Variants in MGAM2 observed in about 807,000 individuals in gnomAD.
MGAM2 encodes the protein maltase-glucoamylase 2 (putative), also known as probable maltase-glucoamylase 2.
MGAM2 carries 98 observed loss-of-function variants against 96.1 expected under a neutral mutation model. The observed-to-expected ratio is 1.02, with a 90% confidence interval of 0.87 to 1.21. The LOEUF (loss-of-function observed/expected upper bound fraction) is 1.21. Among genes scored for constraint, MGAM2 ranks in the 50% most tolerant of loss-of-function variants. The pLI is 0.00. For synonymous variants in MGAM2, 749 were observed against 414.8 expected, an observed-to-expected ratio of 1.81 and a Z score of -9.79; for missense variants, 2,055 against 1,182.4, an observed-to-expected ratio of 1.74 and a Z score of -10.82.
chr7:142,116,504 A>G lies in MGAM2; in HGVS notation c.1-370A>G, dbSNP rs1183164542. On this transcript the variant is annotated intron_variant, in intron 1 of 47. Coordinates refer to ENST00000477922, the MANE Select transcript of MGAM2 (RefSeq NM_001293626.2). Reference sequence around the variant, plus strand: ...AGCATACCTTCCTGTCTACTACATTAGGTGGATGTGAAGATCAAAGTGAAA... The same window carrying G: ...AGCATACCTTCCTGTCTACTACATTGGGTGGATGTGAAGATCAAAGTGAAA... 2.6e-5 allele frequency among the ~76,000 whole-genome samples: 4 copies of G among 152,210 alleles called. 1 individual carries two copies. The highest frequency in any genetic ancestry group is 2.6e-4 in the Admixed American group (4 of 15,276).
At chr7:142,169,949 G>A (rs1442296641) in intron 26 of MGAM2, 126 bp from the exon 27 acceptor site, 2 of 544,410 alleles carry the variant, frequency 3.7e-6, no homozygotes, top group Non-Finnish European at 6.5e-6. Context: ...ATTCGCTTGG[G>A]GATGTTTGAT....
At chr7:142,204,181 G>A (rs1797327767) in intron 45 of MGAM2, among the ~76,000 whole-genome samples, 1 of 151,234 alleles carries the variant, frequency 6.6e-6, no homozygotes, top group Admixed American at 6.6e-5. Context: ...ATAATTTTTG[G>A]CGTATAGTTC....
At chr7:142,159,868 A>T (rs1201203927) in intron 20 of MGAM2, among the ~76,000 whole-genome samples, 1 of 152,162 alleles carries the variant, frequency 6.6e-6, no homozygotes, top group African/African-American at 2.4e-5. Context: ...AGCTATCAAG[A>T]CTGGGCTTTG....
Position 142,218,459 on chromosome 7 carries a change from G to A in MGAM2, c.5286G>A (p.Val1762=), listed in dbSNP as rs1433691838. ...YIRIWGVNTY[V]TQVSFTYDNR... ...GAATCTGGGGTGTGAATACCTATGTGACACAAGTCAGTTTCACCTATGACA... is the reference window on the plus strand; with the variant it reads ...GAATCTGGGGTGTGAATACCTATGTAACACAAGTCAGTTTCACCTATGACA... Residue 1762 remains valine, a synonymous_variant, in exon 47 of 48, where the codon GTG becomes GTA. Transcript: ENST00000477922. 1.4e-6 allele frequency: 1 copy of A among 702,166 alleles called. No individual in the cohort carries two copies. Among genetic ancestry groups the A allele is most frequent in the Non-Finnish European group, 2.6e-6 (1 of 384,768 alleles). 43.5% of individuals were successfully genotyped at this position (702,166 alleles called of 1,614,324 possible).
intron 25 of MGAM2, 33 bp from the exon 26 acceptor site, chr7:142,167,235 G>C: frequency 3.1e-6 from 2 of 654,752 alleles, no homozygotes; most frequent in South Asian, 3.4e-5. Flanking sequence ...TGTTGTATCA[G>C]AGGCTGAGCA....
intron 31 of MGAM2, among the ~76,000 whole-genome samples, chr7:142,173,843 T>C (rs1046839170): frequency 6.6e-6 from 1 of 152,172 alleles, no homozygotes; most frequent in Non-Finnish European, 1.5e-5. Flanking sequence ...TATAGAATAA[T>C]GTAGTTCTTG....
chr7:142,133,933 G>T, intron 6 of MGAM2, 48 bp from the exon 7 acceptor site: 1 of 657,286 alleles, frequency 1.5e-6, no homozygotes, highest in Non-Finnish European at 2.8e-6. Context: ...CCTGGCAGAG[G>T]AAAGAGTGTT....
chr7:142,149,659 G>A (rs562952875), intron 15 of MGAM2, among the ~76,000 whole-genome samples: 29 of 151,908 alleles, frequency 1.9e-4, no homozygotes, highest in Non-Finnish European at 1.5e-5. Flanking sequence ...TCCTGCCTCA[G>A]CCTCCCAAGT....
At chr7:142,133,519 G>C (rs1394055392) in intron 6 of MGAM2, among the ~76,000 whole-genome samples, 1 of 151,884 alleles carries the variant, frequency 6.6e-6, no homozygotes, top group Non-Finnish European at 1.5e-5. Context: ...GGAGTAAACA[G>C]AAGTATTAGT....
intron 14 of MGAM2, among the ~76,000 whole-genome samples, chr7:142,146,872 C>T (rs950334744): frequency 5.9e-5 from 9 of 151,874 alleles, no homozygotes; most frequent in African/African-American, 7.3e-5. Context: ...GGACTGTAGG[C>T]GCACACCACC....
chr7:142,199,969 G>A lies in MGAM2; in HGVS notation c.5137+1G>A. 4.4e-6 allele frequency: 3 copies of A among 678,248 alleles called. No individual in the cohort carries two copies. In the South Asian group the frequency reaches 4.8e-5, roughly 11 times the overall value. The allele number at this position is 678,248 out of a possible 1,614,324, so 42.0% of individuals were successfully genotyped here. On this transcript the variant is annotated splice_donor_variant, in intron 45 of 47. Transcript: ENST00000477922. LOFTEE classifies it high-confidence loss of function. Reference sequence around the variant, plus strand: ...TTCTGGGATGATGGACAAAGCATTGGTGAGTATAAACTTTCCAGGGTCCCT... The same window carrying A: ...TTCTGGGATGATGGACAAAGCATTGATGAGTATAAACTTTCCAGGGTCCCT...
At chr7:142,171,652 A>ATATATATATC (rs1796195367) in intron 28 of MGAM2, among the ~76,000 whole-genome samples, 2 of 75,646 alleles carry the variant, frequency 2.6e-5, no homozygotes, top group Admixed American at 1.4e-4. Context: ...ATATATATAT[A>ATATATATATC]TATCCACAAC....
In MGAM2 at chr7:142,159,397, T is replaced by C. The variant is rs952948388; in HGVS notation, c.2220+54T>C. On this transcript the variant is annotated intron_variant, in intron 20 of 47. Coordinates refer to ENST00000477922, the MANE Select transcript of MGAM2 (RefSeq NM_001293626.2). Reference sequence around the variant, plus strand: ...AGACCTGCCTCTAGCAGAGGGCAATTCTAAAGCAGCAGTCTTGGGAGCTTG... The same window carrying C: ...AGACCTGCCTCTAGCAGAGGGCAATCCTAAAGCAGCAGTCTTGGGAGCTTG... 81 of 699,028 alleles carry C rather than the reference T, an allele frequency of 1.2e-4. No individual in the cohort carries two copies. In the African/African-American group the frequency reaches 1.3e-3, roughly 11 times the overall value. 43.3% of individuals were successfully genotyped at this position (699,028 alleles called of 1,614,324 possible).
At chr7:142,149,610 G>C (rs1413785079) in intron 15 of MGAM2, among the ~76,000 whole-genome samples, 2 of 150,744 alleles carry the variant, frequency 1.3e-5, no homozygotes, top group Middle Eastern at 3.5e-3. Flanking sequence ...GTGCGATCTC[G>C]GCTCACTGCA....
intron 34 of MGAM2, 65 bp from the exon 35 acceptor site, chr7:142,185,924 C>A: frequency 1.5e-6 from 1 of 669,288 alleles, no homozygotes; most frequent in Non-Finnish European, 2.7e-6. Flanking sequence ...TCCTGTTCAT[C>A]TCCCATTTGT....
At chr7:142,192,332 C>A (rs1024485368) in intron 37 of MGAM2, among the ~76,000 whole-genome samples, 1 of 152,116 alleles carries the variant, frequency 6.6e-6, no homozygotes, top group Non-Finnish European at 1.5e-5. Flanking sequence ...AAAACTAGTT[C>A]TTCAGGAAAA....
At chr7:142,149,333 CTAT>C (rs1563260989) in intron 15 of MGAM2, among the ~76,000 whole-genome samples, 1 of 152,176 alleles carries the variant, frequency 6.6e-6, no homozygotes, top group African/African-American at 2.4e-5. Context: ...AGCTCTTTCA[CTAT>C]TGATGATTCT....
chr7:142,116,783 C>T, intron 1 of MGAM2, 91 bp from the exon 2 acceptor site: 2 of 679,624 alleles, frequency 2.9e-6, no homozygotes, highest in South Asian at 1.5e-5. Context: ...ATCTTGCAAA[C>T]AATTCCACAT....
chr7:142,180,470 C>T (rs550512866), intron 32 of MGAM2, among the ~76,000 whole-genome samples: 67 of 152,144 alleles, frequency 4.4e-4, no homozygotes, highest in Middle Eastern at 6.8e-3. Context: ...TTTCTAACTT[C>T]TCGATGTAGG....
Sources: allele counts gnomAD v4.1 joint callset (sites outside exome capture counted in the v4.1 genomes callset), GRCh38; gene constraint gnomAD v4.1.1; transcripts MANE v1.5; gene names NCBI Gene and HGNC (gene_info 2026-07-23, HGNC 2026-07-21).